PALS2: variants seen among roughly 807,000 people sequenced by gnomAD.
PALS2 encodes protein PALS2.
PALS2 carries 27 observed loss-of-function variants against 61.6 expected under a neutral mutation model. The observed-to-expected ratio is 0.44, with a 90% CI of 0.32 to 0.60. The LOEUF is 0.60. Ranked by LOEUF, PALS2 falls within the 20% of genes least tolerant of loss-of-function variation. The pLI, the probability that PALS2 is intolerant of heterozygous loss-of-function variation, is 0.05. For synonymous variants in PALS2, 236 were observed against 218.6 expected, an observed-to-expected ratio of 1.08 and a Z score of -0.70; for missense variants, 554 against 639.4, an observed-to-expected ratio of 0.87 and a Z score of 1.44.
intron 1 of PALS2, among the ~76,000 whole-genome samples, chr7:24,580,031 T>G (rs1562595444): frequency 6.6e-6 from 1 of 152,050 alleles, no homozygotes; most frequent in African/African-American, 2.4e-5. Context: ...CTGAGCAGAC[T>G]GGGGGCCATA....
chr7:24,681,824 C>T (rs901686940), intron 11 of PALS2, among the ~76,000 whole-genome samples: 2 of 152,144 alleles, frequency 1.3e-5, no homozygotes, highest in Non-Finnish European at 2.9e-5. Context: ...CTTTTCCCCT[C>T]ACTGTACTTG....
chr7:24,637,709 G>A (rs140354229), intron 2 of PALS2, among the ~76,000 whole-genome samples: 1 of 152,246 alleles, frequency 6.6e-6, no homozygotes, highest in Non-Finnish European at 1.5e-5. Context: ...ACTTTTGTTT[G>A]CAAGCATGGT....
chr7:24,619,833 G>C (rs1163680031), intron 1 of PALS2, among the ~76,000 whole-genome samples: 1 of 151,886 alleles, frequency 6.6e-6, no homozygotes. Flanking sequence ...GGAACTTGTA[G>C]GTAACTTACT....
intron 3 of PALS2, among the ~76,000 whole-genome samples, chr7:24,644,351 A>G (rs979930290): frequency 3.3e-5 from 5 of 152,104 alleles, no homozygotes; most frequent in African/African-American, 9.7e-5. Context: ...AAGTGAGAAC[A>G]TGCATTATTT....
intron 5 of PALS2, among the ~76,000 whole-genome samples, chr7:24,662,768 G>GAA (rs59367702): frequency 2.4e-4 from 25 of 102,634 alleles, no homozygotes; most frequent in African/African-American, 4.2e-4. Flanking sequence ...GACTCCATCT[G>GAA]AAAAAAAAAA....
intron 9 of PALS2, among the ~76,000 whole-genome samples, chr7:24,675,498 G>A (rs569301481): frequency 5.1e-4 from 76 of 147,872 alleles, no homozygotes; most frequent in Middle Eastern, 7.0e-3. Flanking sequence ...CCATTAACTC[G>A]TCATCTAGCA....
chr7:24,637,314 T>C (rs77689506), intron 2 of PALS2, among the ~76,000 whole-genome samples: 5 of 150,832 alleles, frequency 3.3e-5, no homozygotes, highest in Admixed American at 6.6e-5. Context: ...TTTTTTTTTT[T>C]TCAGAGCAAA....
chr7:24,601,795 C>T (rs1199060119), intron 1 of PALS2, among the ~76,000 whole-genome samples: 3 of 152,028 alleles, frequency 2.0e-5, no homozygotes, highest in Non-Finnish European at 4.4e-5. Flanking sequence ...ATTGCATCAT[C>T]TTCTACCTTT....
intron 2 of PALS2, among the ~76,000 whole-genome samples, chr7:24,633,124 AAAAT>A (rs1400188280): frequency 1.3e-5 from 2 of 152,252 alleles, no homozygotes; most frequent in Middle Eastern, 6.8e-3. Flanking sequence ...AGGAATAAGA[AAAAT>A]AAAAGATTTT....
rs114462493 is a variant in PALS2 at position 24,634,659 on chromosome 7, C to T, written c.118-7057C>T. The stretch of plus-strand genomic sequence containing the variant: ...TCATGAAGATTTACCCCTGTGTTTC[C>T]GAAGAGCTTTATAGTTTTAGCTCTT... On this transcript the variant is annotated intron_variant, in intron 2 of 11. Transcript: ENST00000222644. 3.6e-3 allele frequency among the ~76,000 whole-genome samples: 546 copies of T among 152,228 alleles called. 6 individuals carry two copies. Among genetic ancestry groups the T allele is most frequent in the African/African-American group, 0.012 (519 of 41,544 alleles).
intron 11 of PALS2, among the ~76,000 whole-genome samples, chr7:24,684,583 A>C (rs1562667544): frequency 6.6e-6 from 1 of 152,242 alleles, no homozygotes; most frequent in Non-Finnish European, 1.5e-5. Context: ...TAGCATTTAA[A>C]GATAATTCAG....
At chr7:24,647,233 AC>A (rs1303915805) in intron 3 of PALS2, among the ~76,000 whole-genome samples, 1 of 147,588 alleles carries the variant, frequency 6.8e-6, no homozygotes, top group Non-Finnish European at 1.5e-5. Flanking sequence ...TGCAGCCTCC[AC>A]CTCCCAGGTT....
intron 2 of PALS2, among the ~76,000 whole-genome samples, chr7:24,630,738 A>C (rs1178747535): frequency 2.0e-5 from 3 of 152,218 alleles, no homozygotes; most frequent in Non-Finnish European, 1.5e-5. Context: ...TACCACTCTG[A>C]AGATCCTAGA....
chr7:24,622,959 A>AT (rs1349053655), intron 1 of PALS2, among the ~76,000 whole-genome samples: 1 of 151,862 alleles, frequency 6.6e-6, no homozygotes, highest in Non-Finnish European at 1.5e-5. Flanking sequence ...TCTTGGTTTT[A>AT]TTAATAGAGT....
chr7:24,607,419 A>G (rs1448473696), intron 1 of PALS2, among the ~76,000 whole-genome samples: 8 of 151,824 alleles, frequency 5.3e-5, no homozygotes, highest in Non-Finnish European at 7.4e-5. Flanking sequence ...TGATCTAGGA[A>G]TTCTACTTTT....
intron 5 of PALS2, among the ~76,000 whole-genome samples, chr7:24,653,949 G>A (rs767092922): frequency 2.0e-5 from 3 of 152,110 alleles, no homozygotes; most frequent in Non-Finnish European, 2.9e-5. Context: ...ACTTACTATT[G>A]GGGAAGTGGT....
chr7:24,649,901 C>A, intron 4 of PALS2, 137 bp downstream of exon 4: 1 of 768,496 alleles, frequency 1.3e-6, no homozygotes, highest in Non-Finnish European at 1.9e-6. Flanking sequence ...TGTATAAAGA[C>A]ACAGCTGATG....
intron 4 of PALS2, among the ~76,000 whole-genome samples, chr7:24,650,089 AAAG>A (rs998108214): frequency 2.1e-4 from 32 of 152,284 alleles, no homozygotes; most frequent in Middle Eastern, 3.4e-3. Flanking sequence ...CAAAATATAA[AAAG>A]AAGTTGTTAT....
chr7:24,686,524 A>C (rs1168110581), intron 11 of PALS2, among the ~76,000 whole-genome samples: 1 of 152,186 alleles, frequency 6.6e-6, no homozygotes, highest in Admixed American at 6.5e-5. Context: ...TTCTCAGCTT[A>C]ACTGTAATTT....
Sources: allele counts gnomAD v4.1 joint callset (sites outside exome capture counted in the v4.1 genomes callset), GRCh38; gene constraint gnomAD v4.1.1; transcripts MANE v1.5; gene names NCBI Gene and HGNC (gene_info 2026-07-23, HGNC 2026-07-21).